BUB1B: variants seen among roughly 807,000 people sequenced by gnomAD.
BUB1B encodes BUB1 mitotic checkpoint serine/threonine kinase B, also known as mitotic checkpoint serine/threonine-protein kinase BUB1 beta.
Under a neutral mutation model 137.7 loss-of-function variants are expected in BUB1B, and 86 were observed. The observed-to-expected ratio is 0.62, with a 90% CI of 0.52 to 0.75. The LOEUF (loss-of-function observed/expected upper bound fraction) is 0.75, where lower values mean the gene tolerates loss of function less well. BUB1B is among the 30% of genes least tolerant of loss of function. The probability of loss-of-function intolerance (pLI) is 0.00; values close to 1 mark genes in which losing one functional copy is unlikely to be tolerated. For missense variants in BUB1B, 1,130 were observed against 1,236.9 expected (o/e 0.91, Z 1.30); for synonymous variants, 420 against 417.9 (o/e 1.00, Z -0.06).
chr15:40,191,956 A>T (rs193085208), intron 8 of BUB1B, among the ~76,000 whole-genome samples: 2 of 152,032 alleles, frequency 1.3e-5, no homozygotes, highest in South Asian at 2.1e-4. Flanking sequence ...CTTTTTAAAG[A>T]TTGTTTTGAC....
chr15:40,182,500 A>T (rs1387233346), intron 5 of BUB1B, among the ~76,000 whole-genome samples: 1 of 152,172 alleles, frequency 6.6e-6, no homozygotes, highest in African/African-American at 2.4e-5. Flanking sequence ...TTCAGTTTTC[A>T]AGACCTTTGC....
chr15:40,170,787 A>C (rs1011112386), intron 4 of BUB1B, 106 bp downstream of exon 4: 1 of 1,116,042 alleles, frequency 9.0e-7, no homozygotes, highest in Non-Finnish European at 1.3e-6. Flanking sequence ...ATTTTGAACC[A>C]TTTAGTAGAT....
chr15:40,176,576 T>C lies in BUB1B; in HGVS notation c.484T>C (p.Tyr162His), dbSNP rs77520855. The change falls in exon 5 of 23, where the codon TAT (tyrosine) becomes CAT (histidine). Residue 162 changes from tyrosine (Y) to histidine (H), a missense_variant. Transcript: ENST00000287598. ...AQFYISWAEEYEARENFRKAD... is the reference protein window; with the variant it reads ...AQFYISWAEEHEARENFRKAD... The stretch of plus-strand genomic sequence containing the variant: ...GTTCTATATCTCATGGGCAGAAGAA[T>C]ATGAAGCTAGAGAAAACTTTAGGAA... 29 of 1,614,106 alleles carry C rather than the reference T, an allele frequency of 1.8e-5. No homozygotes were observed. Among genetic ancestry groups the C allele is most frequent in the Non-Finnish European group, 2.5e-5 (29 of 1,180,002 alleles).
chr15:40,194,027 T>C (rs912776104), intron 8 of BUB1B, among the ~76,000 whole-genome samples: 1 of 152,190 alleles, frequency 6.6e-6, no homozygotes, highest in Non-Finnish European at 1.5e-5. Flanking sequence ...TCCATCTATA[T>C]GTCTTCTCTC....
chr15:40,171,709 G>T lies in BUB1B; in HGVS notation c.384+1028G>T, dbSNP rs535314848. 9.2e-5 allele frequency among the ~76,000 whole-genome samples: 14 copies of T among 152,286 alleles called. No individual in the cohort carries two copies. In the East Asian group the frequency reaches 1.5e-3, roughly 17 times the overall value. Reference sequence around the variant, plus strand: ...CCTTTATGAAAGTCATCAACACAAAGAAGTGATATTTTAGTTTTTTATTGG... The same window carrying T: ...CCTTTATGAAAGTCATCAACACAAATAAGTGATATTTTAGTTTTTTATTGG... On this transcript the variant is annotated intron_variant, in intron 4 of 22. Coordinates refer to ENST00000287598, the MANE Select transcript of BUB1B (RefSeq NM_001211.6).
At chr15:40,194,060 G>A (rs759358953) in intron 8 of BUB1B, among the ~76,000 whole-genome samples, 10 of 152,084 alleles carry the variant, frequency 6.6e-5, no homozygotes, top group Non-Finnish European at 1.0e-4. Context: ...TAAATTTATT[G>A]TGAAGTATTT....
rs34700927 is a variant in BUB1B, at chr15:40,220,700, A to C, written c.3094A>C (p.Asn1032His). 1,806 of 1,614,190 alleles carry C rather than the reference A, an allele frequency of 1.1e-3. 3 individuals carry two copies. Among genetic ancestry groups the C allele is most frequent in the Non-Finnish European group, 1.4e-3 (1,704 of 1,180,030 alleles). The change falls in exon 23 of 23, where the codon AAC becomes CAC. Residue 1032 changes from asparagine to histidine, a missense_variant. Transcript: ENST00000287598. ...TGACACTACATTCCAAAGTCACCTG[A>C]ACAAAGCCTTATGGAAGGTAGGGAA... ...VFDTTFQSHL[N>H]KALWKVGKLT...
intron 1 of BUB1B, among the ~76,000 whole-genome samples, chr15:40,164,261 C>T (rs2037069443): frequency 1.3e-5 from 2 of 152,112 alleles, no homozygotes; most frequent in African/African-American, 4.8e-5. Flanking sequence ...CAGGGTCTTG[C>T]TCTGTTGCCC....
intron 1 of BUB1B, among the ~76,000 whole-genome samples, chr15:40,162,141 G>T (rs1441915590): frequency 6.6e-6 from 1 of 152,232 alleles, no homozygotes; most frequent in Non-Finnish European, 1.5e-5. Flanking sequence ...GAGTCTCACT[G>T]AGGAGATGTC....
At chr15:40,196,271 C>T (rs2037496884) in intron 8 of BUB1B, among the ~76,000 whole-genome samples, 1 of 152,082 alleles carries the variant, frequency 6.6e-6, no homozygotes, top group Non-Finnish European at 1.5e-5. Context: ...CTTTTGTTTG[C>T]TTTGTCAAAG....
At chr15:40,192,380 A>G (rs1566822611) in intron 8 of BUB1B, among the ~76,000 whole-genome samples, 1 of 152,218 alleles carries the variant, frequency 6.6e-6, no homozygotes, top group East Asian at 1.9e-4. Context: ...TGATGAACCA[A>G]TATTGATACA....
At chr15:40,202,258 CT>C in intron 12 of BUB1B, 146 bp from the exon 13 acceptor site, 1 of 696,114 alleles carries the variant, frequency 1.4e-6, no homozygotes, top group Non-Finnish European at 2.5e-6. Context: ...GTTTAATGAC[CT>C]TTTATATGTT....
At chr15:40,220,045 G>A (rs1440020223) in intron 22 of BUB1B, among the ~76,000 whole-genome samples, 1 of 152,104 alleles carries the variant, frequency 6.6e-6, no homozygotes, top group Non-Finnish European at 1.5e-5. Context: ...GGTCAGTTGG[G>A]GTTTCCTAAC....
At chr15:40,201,488 C>A (rs972408128) in intron 12 of BUB1B, among the ~76,000 whole-genome samples, 1 of 152,052 alleles carries the variant, frequency 6.6e-6, no homozygotes, top group Non-Finnish European at 1.5e-5. Flanking sequence ...TTAAACAACA[C>A]AGCGGGATGG....
intron 4 of BUB1B, among the ~76,000 whole-genome samples, chr15:40,175,200 T>A (rs1435264335): frequency 6.6e-6 from 1 of 152,210 alleles, no homozygotes; most frequent in Non-Finnish European, 1.5e-5. Context: ...TTATTTTTTA[T>A]AGAATTATTT....
In BUB1B at chr15:40,220,999, A is replaced by G. The variant is rs2037898635; in HGVS notation, c.*240A>G. Reference sequence around the variant, plus strand: ...TTTATTCTAAACAGACTCATTACAAATGGTTACCTTGTTATTTAACCCATT... The same window carrying G: ...TTTATTCTAAACAGACTCATTACAAGTGGTTACCTTGTTATTTAACCCATT... On this transcript the variant is annotated 3_prime_UTR_variant, in exon 23 of 23. Coordinates refer to ENST00000287598, the MANE Select transcript of BUB1B (RefSeq NM_001211.6). 1 of 540,386 alleles carries G rather than the reference A, an allele frequency of 1.9e-6. No homozygotes were observed. The highest frequency in any genetic ancestry group is 3.1e-5 in the East Asian group (1 of 31,966). 33.5% of individuals were successfully genotyped at this position (540,386 alleles called of 1,614,324 possible).
At position 40,183,915 on chromosome 15, in the gene BUB1B, GT is replaced by G. The variant is rs779042123; in HGVS notation, c.751+34del. The G allele has an allele frequency of 2.5e-6, 4 of 1,607,584 alleles. No homozygotes were observed. In the Admixed American group the frequency reaches 5.0e-5, roughly 20 times the overall value. ...TTGTTAAACGTTATTTCGGAAAACT[GT>G]TAGTTTCTAGTGGTAAAATCATGTA... is the stretch of plus-strand genomic sequence containing the variant. On this transcript the variant is annotated intron_variant, in intron 6 of 22. Coordinates refer to ENST00000287598, the MANE Select transcript of BUB1B (RefSeq NM_001211.6).
chr15:40,204,320 A>T (rs951112292), intron 14 of BUB1B, among the ~76,000 whole-genome samples: 1 of 152,144 alleles, frequency 6.6e-6, no homozygotes, highest in Non-Finnish European at 1.5e-5. Flanking sequence ...TTAATTACAT[A>T]TTGTGTTCTG....
chr15:40,187,694 A>G (rs2037384786), intron 8 of BUB1B, among the ~76,000 whole-genome samples: 1 of 152,154 alleles, frequency 6.6e-6, no homozygotes, highest in East Asian at 1.9e-4. Context: ...GGATCGCTTG[A>G]GCCCAGGAGT....
Sources: gnomAD v4.1 joint callset for allele counts (sites outside exome capture counted in the v4.1 genomes callset) on GRCh38, gnomAD v4.1.1 for gene constraint, MANE v1.5 for transcripts, NCBI Gene and HGNC (gene_info 2026-07-23, HGNC 2026-07-21) for gene names.